Variants in FANCD2 observed in about 807,000 individuals in gnomAD.
The protein encoded by FANCD2 is Fanconi anemia group D2 protein.
Under a neutral mutation model 192.3 loss-of-function variants are expected in FANCD2, and 131 were observed. That is an observed-to-expected ratio of 0.68 (90% CI 0.59 to 0.79). The LOEUF (loss-of-function observed/expected upper bound fraction) is 0.79. FANCD2 is among the 30% of genes least tolerant of loss of function. The pLI, the probability that FANCD2 is intolerant of heterozygous loss-of-function variation, is 0.00. For synonymous variants in FANCD2, 524 were observed against 612.5 expected, an observed-to-expected ratio of 0.86 and a Z score of 2.13; for missense variants, 1,508 against 1,701.6, an observed-to-expected ratio of 0.89 and a Z score of 2.00.
At chr3:10,042,498 C>G in intron 10 of FANCD2, 61 bp from the exon 11 acceptor site, 1 of 1,218,740 alleles carries the variant, frequency 8.2e-7, no homozygotes, top group South Asian at 1.2e-5. Flanking sequence ...TCTAACAGTT[C>G]AGTACAAAGT....
chr3:10,095,837 C>T (rs143521229), intron 41 of FANCD2, among the ~76,000 whole-genome samples: 173 of 151,334 alleles, frequency 1.1e-3, no homozygotes, highest in Middle Eastern at 3.4e-3. Context: ...CTGTTACTTA[C>T]TTCCTCCTCT....
chr3:10,095,735 T>G (rs889009315), intron 41 of FANCD2, among the ~76,000 whole-genome samples: 7 of 152,236 alleles, frequency 4.6e-5, no homozygotes, highest in African/African-American at 1.7e-4. Flanking sequence ...CTTCTTATAG[T>G]TAATGAGGTA....
At chr3:10,051,692 G>C (rs2087224106) in intron 17 of FANCD2, among the ~76,000 whole-genome samples, 1 of 152,128 alleles carries the variant, frequency 6.6e-6, no homozygotes, top group South Asian at 2.1e-4. Flanking sequence ...ATTGCTTGTA[G>C]GCTGAGAGAA....
chr3:10,045,267 C>T (rs578133386), intron 14 of FANCD2, among the ~76,000 whole-genome samples: 6 of 151,992 alleles, frequency 3.9e-5, no homozygotes, highest in Non-Finnish European at 8.8e-5. Flanking sequence ...CTCCTGGGTT[C>T]ACGCCATTCT....
In FANCD2 at chr3:10,062,148, T is replaced by C; in HGVS notation, c.1767-3T>C. ...AATTTAAAAAAAAATTCTTTGTTTT[T>C]AGAAGTGAATCACCTAGTTTGACCC... On this transcript the variant is annotated splice_region_variant and splice_polypyrimidine_tract_variant and intron_variant, in intron 19 of 43. Transcript: ENST00000675286. 1.2e-6 allele frequency: 2 copies of C among 1,609,632 alleles called. No homozygotes were observed. Among genetic ancestry groups the C allele is most frequent in the South Asian group, 2.2e-5 (2 of 90,174 alleles).
chr3:10,090,847 A>AT lies in FANCD2; in HGVS notation c.3777+470dup, dbSNP rs558949899. Among the ~76,000 whole-genome samples, 11 of 151,358 alleles carry AT rather than the reference A, an allele frequency of 7.3e-5. No individual in the cohort carries two copies. The South Asian group carries it at 8.4e-4, about 12-fold the overall frequency. ...TTGTTTTGAGTTTCTGAGATTCAGGATTTTTTTTCAAAGAGTTCCTAGTTT... is the reference window on the plus strand; with the variant it reads ...TTGTTTTGAGTTTCTGAGATTCAGGATTTTTTTTTCAAAGAGTTCCTAGTTT... On this transcript the variant is annotated intron_variant, in intron 37 of 43. Coordinates refer to ENST00000675286, the MANE Select transcript of FANCD2 (RefSeq NM_001018115.3).
chr3:10,035,059 C>A, intron 5 of FANCD2, 114 bp from the exon 6 acceptor site: 1 of 853,520 alleles, frequency 1.2e-6, no homozygotes, highest in East Asian at 2.6e-5. Flanking sequence ...TCTTGTCTAA[C>A]AGGGTAGTTC....
At chr3:10,058,967 C>A (rs2087488134) in intron 18 of FANCD2, among the ~76,000 whole-genome samples, 1 of 152,144 alleles carries the variant, frequency 6.6e-6, no homozygotes, top group Non-Finnish European at 1.5e-5. Context: ...GACAGTAGCT[C>A]TTTCCATTTC....
At chr3:10,052,951 A>G (rs1403524802) in intron 18 of FANCD2, among the ~76,000 whole-genome samples, 2 of 128,234 alleles carry the variant, frequency 1.6e-5, no homozygotes, top group Admixed American at 1.7e-4. Context: ...TAGTTCAACC[A>G]TTGTGGAAGT....
chr3:10,041,086 C>G lies in FANCD2; in HGVS notation c.696-537C>G, dbSNP rs145352481. The G allele has an allele frequency of 5.4e-5, 9 of 168,036 alleles. No homozygotes were observed. The East Asian group carries it at 8.7e-4, about 16-fold the overall frequency. 10.4% of individuals were successfully genotyped at this position (168,036 alleles called of 1,614,324 possible). A position where few individuals can be genotyped will look rare whatever the true frequency, so the allele number is the denominator to read the frequency against. ...GTACGCACTTATAATTCTAGCTACT[C>G]AGGAGGCTGAGATGGGAGGATCAAT... On this transcript the variant is annotated intron_variant, in intron 9 of 43. Coordinates refer to ENST00000675286, the MANE Select transcript of FANCD2 (RefSeq NM_001018115.3).
At chr3:10,090,432 G>T (rs1464046607) in intron 37 of FANCD2, 47 bp downstream of exon 37, 2 of 857,168 alleles carry the variant, frequency 2.3e-6, no homozygotes, top group South Asian at 1.5e-5. Context: ...TGGATTACTT[G>T]GAAGTTGCTG....
rs1694762337 is a variant in FANCD2 at position 10,093,318 on chromosome 3, T to C, written c.3883T>C (p.Leu1295=). The C allele has an allele frequency of 6.2e-7, 1 of 1,612,390 alleles. No individual in the cohort carries two copies. The highest frequency in any genetic ancestry group is 1.3e-5 in the African/African-American group (1 of 74,892). Reference sequence around the variant, plus strand: ...TAGTCATCCTGTTCTGCATGTATGTTTGAAGGTGAGAGATTTACTGGGCCC... The same window carrying C: ...TAGTCATCCTGTTCTGCATGTATGTCTGAAGGTGAGAGATTTACTGGGCCC... ...FDSHPVLHVC[L]KYGRLFVEAF... Residue 1295 remains leucine (L), a synonymous_variant, in exon 39 of 44, where the codon TTG becomes CTG. Transcript: ENST00000675286.
intron 34 of FANCD2, 120 bp from the exon 35 acceptor site, chr3:10,088,329 A>G (rs1694360068): frequency 1.3e-6 from 1 of 764,054 alleles, no homozygotes; most frequent in African/African-American, 1.7e-5. Context: ...TTAGACCGGG[A>G]ACGTCTTAGT....
chr3:10,059,992 A>G (rs2087518664), intron 18 of FANCD2, among the ~76,000 whole-genome samples: 1 of 150,682 alleles, frequency 6.6e-6, no homozygotes, highest in South Asian at 2.1e-4. Flanking sequence ...ACATGGTGAA[A>G]CCCCATCTCT....
At chr3:10,084,123 A>G (rs1694024840) in intron 32 of FANCD2, among the ~76,000 whole-genome samples, 1 of 151,306 alleles carries the variant, frequency 6.6e-6, no homozygotes, top group Non-Finnish European at 1.5e-5. Flanking sequence ...CCTCCTGAAT[A>G]GCTGAGATTA....
rs768450402 is a variant in FANCD2, at chr3:10,081,118, A to G, written c.2995A>G (p.Ile999Val). 2 of 1,614,130 alleles carry G rather than the reference A, an allele frequency of 1.2e-6. No individual in the cohort carries two copies. Among genetic ancestry groups the G allele is most frequent in the East Asian group, 2.2e-5 (1 of 44,878 alleles). The change falls in exon 31 of 44, where the codon ATT becomes GTT. Residue 999 changes from isoleucine (I) to valine (V), a missense_variant. This residue lies in a region of FANCD2 where 796 missense variants were observed against 879.4 expected (regional missense o/e 0.91). Coordinates refer to ENST00000675286, the MANE Select transcript of FANCD2 (RefSeq NM_001018115.3). ...PFLKNKGSRN[I>V]GFSHLQQRSA... ...ATTATAGAACAAAGGAAGCCGGAATATTGGATTCTCACATCTCCAACAGAG... is the reference window on the plus strand; with the variant it reads ...ATTATAGAACAAAGGAAGCCGGAATGTTGGATTCTCACATCTCCAACAGAG...
chr3:10,101,101 C>A, intron 43 of FANCD2, 87 bp from the exon 44 acceptor site: 8 of 980,898 alleles, frequency 8.2e-6, no homozygotes, highest in Non-Finnish European at 1.1e-5. Context: ...GATAATAGTA[C>A]AGTTGTGTAT....
intron 26 of FANCD2, among the ~76,000 whole-genome samples, chr3:10,072,520 C>T (rs1444613266): frequency 6.6e-6 from 1 of 152,206 alleles, no homozygotes. Flanking sequence ...CTCAGGTGAT[C>T]CGCGCGCCTT....
chr3:10,078,500 G>T (rs1693652239), intron 30 of FANCD2, among the ~76,000 whole-genome samples: 1 of 152,004 alleles, frequency 6.6e-6, no homozygotes, highest in African/African-American at 2.4e-5. Context: ...GACTACAGGT[G>T]CCTGCCACCA....
Sources: gnomAD v4.1 joint callset for allele counts (sites outside exome capture counted in the v4.1 genomes callset) on GRCh38, gnomAD v4.1.1 for gene constraint, gnomAD v4.1.1 regional missense constraint, MANE v1.5 for transcripts, NCBI Gene and HGNC (gene_info 2026-07-23, HGNC 2026-07-21) for gene names.